The following CSMD1 variants were observed in gnomAD, a reference collection of about 807,000 sequenced individuals.
CSMD1 encodes CUB and sushi domain-containing protein 1.
Under a neutral mutation model 417.5 loss-of-function variants are expected in CSMD1, and 213 were observed. That is an observed-to-expected ratio of 0.51 (90% CI 0.46 to 0.57). The LOEUF (loss-of-function observed/expected upper bound fraction) is 0.57, where lower values mean the gene tolerates loss of function less well. Ranked by LOEUF, CSMD1 falls within the 20% of genes least tolerant of loss-of-function variation. The pLI is 0.00. For synonymous variants in CSMD1, 2,862 were observed against 1,736.8 expected (o/e 1.65, Z -16.11); for missense variants, 6,923 against 4,529.7 (o/e 1.53, Z -15.17).
intron 3 of CSMD1, among the ~76,000 whole-genome samples, chr8:4,190,936 T>G (rs1735485996): frequency 7.1e-6 from 1 of 139,926 alleles, no homozygotes; most frequent in African/African-American, 2.7e-5. Context: ...CGACACAAAC[T>G]GCGGCTCAGT....
intron 68 of CSMD1, among the ~76,000 whole-genome samples, chr8:2,947,215 T>C (rs1249481498): frequency 1.3e-5 from 2 of 152,340 alleles, no homozygotes; most frequent in East Asian, 1.9e-4. Flanking sequence ...AACCAGTTTA[T>C]TGTTGAGTTT....
At chr8:3,276,860 G>C (rs1039177010) in intron 26 of CSMD1, among the ~76,000 whole-genome samples, 1 of 152,092 alleles carries the variant, frequency 6.6e-6, no homozygotes, top group East Asian at 1.9e-4. Flanking sequence ...TTGATTATAT[G>C]TCATGTTCTA....
intron 10 of CSMD1, among the ~76,000 whole-genome samples, chr8:3,523,909 ACACG>A (rs1797630956): frequency 6.7e-6 from 1 of 149,400 alleles, no homozygotes; most frequent in Non-Finnish European, 1.5e-5. Context: ...GCACACATGT[ACACG>A]CACACACACA....
intron 39 of CSMD1, among the ~76,000 whole-genome samples, chr8:3,156,321 G>C (rs73657590): frequency 6.6e-6 from 1 of 152,172 alleles, no homozygotes; most frequent in Non-Finnish European, 1.5e-5. Flanking sequence ...CCAGAAGTGT[G>C]ACTGTTATAA....
intron 3 of CSMD1, among the ~76,000 whole-genome samples, chr8:4,079,979 A>G (rs1175488679): frequency 2.0e-5 from 3 of 151,896 alleles, no homozygotes; most frequent in Non-Finnish European, 4.4e-5. Flanking sequence ...TTAAAGATTA[A>G]GAAAATTATG....
chr8:3,815,368 G>A (rs1397164901), intron 5 of CSMD1, among the ~76,000 whole-genome samples: 6 of 152,096 alleles, frequency 3.9e-5, no homozygotes, highest in African/African-American at 1.2e-4. Context: ...AGAGAACTGT[G>A]TTAAAACTTA....
At chr8:4,951,006 T>A (rs1167208536) in intron 1 of CSMD1, among the ~76,000 whole-genome samples, 2 of 151,758 alleles carry the variant, frequency 1.3e-5, no homozygotes, top group Non-Finnish European at 2.9e-5. Flanking sequence ...ACAAAAAAAA[T>A]TAATAGAGAA....
At chr8:4,322,522 A>G (rs1483367440) in intron 3 of CSMD1, among the ~76,000 whole-genome samples, 1 of 152,202 alleles carries the variant, frequency 6.6e-6, no homozygotes, top group Non-Finnish European at 1.5e-5. Context: ...AAGGCTGTAT[A>G]AAAACATAAC....
At chr8:4,236,523 T>A (rs115856195) in intron 3 of CSMD1, among the ~76,000 whole-genome samples, 1 of 152,130 alleles carries the variant, frequency 6.6e-6, no homozygotes, top group Non-Finnish European at 1.5e-5. Flanking sequence ...TCAAAAAAGT[T>A]AGCGAGATTT....
chr8:2,973,386 T>G (rs1804632441), intron 56 of CSMD1, 87 bp from the exon 57 acceptor site: 1 of 1,338,144 alleles, frequency 7.5e-7, no homozygotes, highest in Non-Finnish European at 1.0e-6. Flanking sequence ...AATGAAAAGT[T>G]GTTGAAATTT....
intron 10 of CSMD1, among the ~76,000 whole-genome samples, chr8:3,551,670 T>A (rs944510916): frequency 6.6e-6 from 1 of 151,496 alleles, no homozygotes; most frequent in Non-Finnish European, 1.5e-5. Flanking sequence ...CAGTGTATAG[T>A]TTCTTACTCT....
intron 3 of CSMD1, among the ~76,000 whole-genome samples, chr8:4,230,459 A>C (rs1229958119): frequency 6.6e-6 from 1 of 152,176 alleles, no homozygotes; most frequent in East Asian, 1.9e-4. Context: ...ATTATATCCC[A>C]ATCAATAACT....
intron 5 of CSMD1, among the ~76,000 whole-genome samples, chr8:3,806,381 C>G (rs187513513): frequency 1.3e-3 from 193 of 152,294 alleles, no homozygotes; most frequent in East Asian, 0.01. Context: ...GCCCCTGAAG[C>G]CTGTGGGACA....
intron 10 of CSMD1, among the ~76,000 whole-genome samples, chr8:3,524,887 TTGG>T (rs141648881): frequency 0.016 from 2,235 of 142,266 alleles, 62 homozygotes; most frequent in African/African-American, 0.061. Context: ...GAACAAATTT[TTGG>T]TGGAGTTAAA....
At chr8:3,609,405 CTG>C (rs1801779599) in intron 8 of CSMD1, among the ~76,000 whole-genome samples, 1 of 152,200 alleles carries the variant, frequency 6.6e-6, no homozygotes, top group Admixed American at 6.5e-5. Flanking sequence ...GTGAAAAATA[CTG>C]TCAGCAAACT....
intron 3 of CSMD1, among the ~76,000 whole-genome samples, chr8:4,225,145 G>T (rs1397410516): frequency 6.6e-6 from 1 of 152,102 alleles, no homozygotes; most frequent in African/African-American, 2.4e-5. Context: ...CATTTTATTT[G>T]TTCATGTCAG....
At chr8:3,728,073 G>C (rs895652748) in intron 6 of CSMD1, among the ~76,000 whole-genome samples, 2 of 152,158 alleles carry the variant, frequency 1.3e-5, no homozygotes, top group African/African-American at 4.8e-5. Context: ...CTATGACAGT[G>C]TCCGCACCCA....
At chr8:3,284,512 G>A (rs1802997996) in intron 25 of CSMD1, 166 bp from the exon 26 acceptor site, 1 of 619,508 alleles carries the variant, frequency 1.6e-6, no homozygotes, top group South Asian at 1.9e-5. Context: ...GCTCACCGAA[G>A]ATAATTCAGG....
intron 3 of CSMD1, among the ~76,000 whole-genome samples, chr8:4,353,470 T>A (rs944863323): frequency 6.6e-6 from 1 of 152,072 alleles, no homozygotes. Flanking sequence ...GAGAAAAGAA[T>A]AATACATTCT....
Sources: allele counts gnomAD v4.1 joint callset (sites outside exome capture counted in the v4.1 genomes callset), GRCh38; gene constraint gnomAD v4.1.1; transcripts MANE v1.5; gene names NCBI Gene and HGNC (gene_info 2026-07-23, HGNC 2026-07-21).